ESRRG: variants seen among roughly 807,000 people sequenced by gnomAD.
ESRRG encodes the protein estrogen-related receptor gamma.
In ESRRG, 13 loss-of-function variants were observed where a neutral mutation model predicts 44.0. That is an observed-to-expected ratio of 0.30 (90% CI 0.19 to 0.47). ESRRG has a LOEUF of 0.47. Among genes scored for constraint, ESRRG ranks in the 20% least tolerant of loss-of-function variants. The pLI is 1.00. For synonymous variants in ESRRG, 215 were observed against 214.6 expected (o/e 1.00, Z -0.02); for missense variants, 395 against 580.6 (o/e 0.68, Z 3.29).
intron 3 of ESRRG, among the ~76,000 whole-genome samples, chr1:216,591,054 G>A (rs1050999029): frequency 6.6e-6 from 1 of 152,120 alleles, no homozygotes; most frequent in Non-Finnish European, 1.5e-5. Flanking sequence ...TGAGTGAAAA[G>A]GGTGAGGAGA....
chr1:216,861,772 G>A (rs574976434), intron 2 of ESRRG, among the ~76,000 whole-genome samples: 4 of 152,094 alleles, frequency 2.6e-5, no homozygotes, highest in African/African-American at 9.6e-5. Flanking sequence ...AACACTAGCA[G>A]AATATATTGC....
At chr1:217,062,558 A>G (rs562674509) in intron 1 of ESRRG, among the ~76,000 whole-genome samples, 1 of 152,314 alleles carries the variant, frequency 6.6e-6, no homozygotes, top group South Asian at 2.1e-4. Context: ...ATACTCACAC[A>G]AAAATACTCC....
chr1:216,775,551 C>CTTTTTTTTTTTTTTTTTTTT (rs71163765), intron 2 of ESRRG, among the ~76,000 whole-genome samples: 1 of 74,786 alleles, frequency 1.3e-5, no homozygotes, highest in African/African-American at 4.7e-5. Flanking sequence ...AATGTCACAT[C>CTTTTTTTTTTTTTTTTTTTT]TTTTTTTTTT....
At chr1:217,033,134 C>T (rs762438055) in intron 1 of ESRRG, among the ~76,000 whole-genome samples, 1 of 152,204 alleles carries the variant, frequency 6.6e-6, no homozygotes, top group Non-Finnish European at 1.5e-5. Context: ...AAGGGCTTTG[C>T]CCAGAGTGGA....
chr1:216,760,129 C>A (rs2092690174), intron 2 of ESRRG, among the ~76,000 whole-genome samples: 1 of 151,976 alleles, frequency 6.6e-6, no homozygotes, highest in Admixed American at 6.6e-5. Flanking sequence ...CTGTCTTGTT[C>A]AACATTGTCT....
chr1:217,104,809 CA>C (rs1364129058), intron 1 of ESRRG, among the ~76,000 whole-genome samples: 1 of 152,044 alleles, frequency 6.6e-6, no homozygotes, highest in African/African-American at 2.4e-5. Context: ...ATTTTGTATC[CA>C]ATATTTTTTA....
intron 1 of ESRRG, among the ~76,000 whole-genome samples, chr1:216,990,404 A>AT (rs998205375): frequency 6.6e-6 from 1 of 152,222 alleles, no homozygotes; most frequent in Non-Finnish European, 1.5e-5. Context: ...ATTTATATAT[A>AT]TTTTTTAAAC....
At chr1:216,713,919 T>C (rs1438122529) in intron 1 of ESRRG, among the ~76,000 whole-genome samples, 1 of 152,234 alleles carries the variant, frequency 6.6e-6, no homozygotes, top group African/African-American at 2.4e-5. Flanking sequence ...CTCAGTCTTA[T>C]CAGGTGTATG....
intron 2 of ESRRG, among the ~76,000 whole-genome samples, chr1:216,920,093 T>C (rs2061642270): frequency 6.6e-6 from 1 of 152,204 alleles, no homozygotes; most frequent in South Asian, 2.1e-4. Context: ...CACATGGCAG[T>C]GTTTCCTTCA....
At chr1:217,053,649 T>C (rs1044095661) in intron 1 of ESRRG, among the ~76,000 whole-genome samples, 1 of 152,192 alleles carries the variant, frequency 6.6e-6, no homozygotes, top group Non-Finnish European at 1.5e-5. Context: ...AGTTCTTGTG[T>C]TCCAAATAAT....
chr1:216,571,916 C>A (rs1174111920), intron 3 of ESRRG, among the ~76,000 whole-genome samples: 1 of 152,048 alleles, frequency 6.6e-6, no homozygotes, highest in Non-Finnish European at 1.5e-5. Flanking sequence ...TTATACTCAT[C>A]AAGTTTAGAT....
At chr1:216,825,096 C>T (rs1259046227) in intron 2 of ESRRG, among the ~76,000 whole-genome samples, 1 of 152,106 alleles carries the variant, frequency 6.6e-6, no homozygotes, top group Non-Finnish European at 1.5e-5. Flanking sequence ...TAGTCCCACA[C>T]CATAAACATC....
At chr1:216,531,428 A>G (rs1321476626) in intron 5 of ESRRG, among the ~76,000 whole-genome samples, 1 of 152,058 alleles carries the variant, frequency 6.6e-6, no homozygotes, top group Non-Finnish European at 1.5e-5. Context: ...GAGCTAAGTC[A>G]TTATGGCTTG....
At chr1:216,935,481 A>T (rs1034378538) in intron 2 of ESRRG, among the ~76,000 whole-genome samples, 1 of 152,166 alleles carries the variant, frequency 6.6e-6, no homozygotes, top group Non-Finnish European at 1.5e-5. Context: ...CCAGATAAAG[A>T]GGTGCATAGG....
chr1:216,877,185 A>G (rs1001274314), intron 2 of ESRRG, among the ~76,000 whole-genome samples: 14 of 152,146 alleles, frequency 9.2e-5, no homozygotes, highest in Non-Finnish European at 1.8e-4. Flanking sequence ...TATCTCATTC[A>G]CTATACTATG....
intron 2 of ESRRG, among the ~76,000 whole-genome samples, chr1:216,878,385 T>C (rs891646387): frequency 2.6e-5 from 4 of 152,232 alleles, no homozygotes; most frequent in African/African-American, 9.6e-5. Context: ...AACTTTAATA[T>C]GTTCTTCGTT....
intron 2 of ESRRG, among the ~76,000 whole-genome samples, chr1:216,883,386 G>GAAAAAAAAAAAAAAAAAAAAAAA (rs11318094): frequency 1.3e-5 from 1 of 75,842 alleles, no homozygotes. Flanking sequence ...ACTTCTCTGA[G>GAAAAAAAAAAAAAAAAAAAAAAA]AAAAAAAAAA....
At chr1:216,528,627 A>G (rs1382755714) in intron 5 of ESRRG, among the ~76,000 whole-genome samples, 1 of 152,120 alleles carries the variant, frequency 6.6e-6, no homozygotes, top group Non-Finnish European at 1.5e-5. Flanking sequence ...AAAATATAAT[A>G]TGTCTACTTT....
intron 2 of ESRRG, among the ~76,000 whole-genome samples, chr1:216,766,894 T>C (rs1381708835): frequency 3.9e-5 from 6 of 152,162 alleles, no homozygotes; most frequent in Non-Finnish European, 4.4e-5. Context: ...TCAGTTAGCA[T>C]AGATGTTATA....
Sources: gnomAD v4.1 joint callset for allele counts (sites outside exome capture counted in the v4.1 genomes callset) on GRCh38, gnomAD v4.1.1 for gene constraint, MANE v1.5 for transcripts, NCBI Gene and HGNC (gene_info 2026-07-23, HGNC 2026-07-21) for gene names.